Variants in RABGAP1L observed in about 807,000 individuals in gnomAD.
RABGAP1L encodes RAB GTPase activating protein 1 like, also known as rab GTPase-activating protein 1-like.
A neutral mutation model predicts 137.7 loss-of-function variants in RABGAP1L; 63 were observed. The observed-to-expected ratio is 0.46, with a 90% CI of 0.37 to 0.56. The LOEUF (loss-of-function observed/expected upper bound fraction) is 0.56, where lower values mean the gene tolerates loss of function less well. RABGAP1L is among the 20% of genes least tolerant of loss of function. RABGAP1L has a pLI of 0.00. For synonymous variants in RABGAP1L, 431 were observed against 433.7 expected (o/e 0.99, Z 0.08); for missense variants, 1,095 against 1,244.0 (o/e 0.88, Z 1.80).
intron 5 of RABGAP1L, among the ~76,000 whole-genome samples, chr1:174,248,337 G>T (rs192837791): frequency 1.3e-4 from 20 of 152,318 alleles, no homozygotes; most frequent in African/African-American, 4.8e-4. Flanking sequence ...AATAATATTT[G>T]TTGAATGAAT....
intron 24 of RABGAP1L, among the ~76,000 whole-genome samples, chr1:174,987,734 A>G (rs138752207): frequency 2.6e-5 from 4 of 152,246 alleles, no homozygotes; most frequent in Non-Finnish European, 4.4e-5. Flanking sequence ...CAACAGTACT[A>G]TTGTCTGGAA....
intron 17 of RABGAP1L, among the ~76,000 whole-genome samples, chr1:174,722,877 G>A (rs924831392): frequency 6.6e-6 from 1 of 152,048 alleles, no homozygotes; most frequent in Non-Finnish European, 1.5e-5. Flanking sequence ...GTATTTGCCC[G>A]AGGCTGCACC....
chr1:174,258,427 G>A (rs1673301103), intron 7 of RABGAP1L, among the ~76,000 whole-genome samples: 1 of 152,146 alleles, frequency 6.6e-6, no homozygotes, highest in Non-Finnish European at 1.5e-5. Context: ...TGAGACTACA[G>A]GCACATGCCA....
chr1:174,664,943 G>A (rs1260417381), intron 14 of RABGAP1L, among the ~76,000 whole-genome samples: 2 of 151,796 alleles, frequency 1.3e-5, no homozygotes, highest in African/African-American at 2.4e-5. Flanking sequence ...CTCCATGTTG[G>A]TCAGGCTGGT....
chr1:174,400,867 T>A (rs1406363545), intron 13 of RABGAP1L, among the ~76,000 whole-genome samples: 1 of 152,132 alleles, frequency 6.6e-6, no homozygotes, highest in Non-Finnish European at 1.5e-5. Flanking sequence ...GGGCCGGGAT[T>A]ACAATGTGGA....
chr1:174,345,774 A>G (rs1682374155), intron 11 of RABGAP1L, among the ~76,000 whole-genome samples: 1 of 152,304 alleles, frequency 6.6e-6, no homozygotes, highest in African/African-American at 2.4e-5. Flanking sequence ...GACTTTCAGT[A>G]CTATGTCGAA....
chr1:174,922,038 A>G (rs1161002589), intron 19 of RABGAP1L: 1 of 152,186 alleles, frequency 6.6e-6, no homozygotes, highest in African/African-American at 2.4e-5. Context: ...TTTTTTAAGT[A>G]TAATTTCCAT....
chr1:174,694,343 T>TC (rs1679092084), intron 15 of RABGAP1L, among the ~76,000 whole-genome samples: 1 of 107,068 alleles, frequency 9.3e-6, no homozygotes, highest in African/African-American at 3.5e-5. Context: ...ATGCTAACCC[T>TC]CCCCCCTCCC....
intron 1 of RABGAP1L, among the ~76,000 whole-genome samples, chr1:174,179,922 T>G (rs1666215537): frequency 1.3e-5 from 2 of 149,998 alleles, no homozygotes; most frequent in Non-Finnish European, 1.5e-5. Flanking sequence ...GTTAGTAGTA[T>G]TCAAGAATTT....
At chr1:174,609,453 C>CA (rs1317902881) in intron 13 of RABGAP1L, among the ~76,000 whole-genome samples, 1 of 151,930 alleles carries the variant, frequency 6.6e-6, no homozygotes, top group Non-Finnish European at 1.5e-5. Flanking sequence ...ATATCAAAAG[C>CA]AAAAATGTAT....
intron 13 of RABGAP1L, among the ~76,000 whole-genome samples, chr1:174,474,592 GATGATT>G (rs1658290287): frequency 3.3e-5 from 5 of 151,886 alleles, no homozygotes; most frequent in Admixed American, 3.3e-4. Context: ...TGATGATGAT[GATGATT>G]ATTATTATTA....
At chr1:174,825,381 C>T (rs1214977393) in intron 19 of RABGAP1L, among the ~76,000 whole-genome samples, 1 of 152,172 alleles carries the variant, frequency 6.6e-6, no homozygotes, top group Non-Finnish European at 1.5e-5. Context: ...TATCCCTAAC[C>T]CGTAGAGTCA....
At chr1:174,851,868 C>G (rs1014890760) in intron 19 of RABGAP1L, among the ~76,000 whole-genome samples, 15 of 151,916 alleles carry the variant, frequency 9.9e-5, no homozygotes, top group African/African-American at 3.6e-4. Context: ...CTAAAAATTC[C>G]TGGGTTTATG....
In RABGAP1L at chr1:174,278,684, C is replaced by G; in HGVS notation, c.1228C>G (p.Leu410Val). ...GGTGGTGGAGCCTGTTCGCTTTCTC[C>G]TGGAGACAGTAGTCCGTGTGTACCC... is the stretch of plus-strand genomic sequence containing the variant. ...TEVVEPVRFL[L>V]ETVVRVYPAN... Residue 410 changes from leucine to valine, a missense_variant, in exon 10 of 26, where the codon CTG becomes GTG. Transcript: ENST00000681986. 1 of 1,613,094 alleles carries G rather than the reference C, an allele frequency of 6.2e-7. No homozygotes were observed. The highest frequency in any genetic ancestry group is 8.5e-7 in the Non-Finnish European group (1 of 1,179,588).
In RABGAP1L at chr1:174,273,704, T is replaced by G. The variant is rs149022829; in HGVS notation, c.1053+1224T>G. The stretch of plus-strand genomic sequence containing the variant: ...GATCCTAGGTCCTAATTAATCATGG[T>G]CTTTCAGAGTTTAAAAGACTAAGAT... On this transcript the variant is annotated intron_variant, in intron 8 of 25. Coordinates refer to ENST00000681986, the MANE Select transcript of RABGAP1L (RefSeq NM_001366446.1). Among the ~76,000 whole-genome samples the G allele has an allele frequency of 1.2e-3, 178 of 152,196 alleles. 1 individual carries two copies. Among genetic ancestry groups the G allele is most frequent in the African/African-American group, 4.2e-3 (174 of 41,554 alleles).
intron 13 of RABGAP1L, among the ~76,000 whole-genome samples, chr1:174,494,482 A>G (rs912732782): frequency 2.6e-5 from 4 of 152,312 alleles, no homozygotes; most frequent in African/African-American, 9.6e-5. Context: ...TTGGTTTTCC[A>G]TGTGAAATGA....
At chr1:174,674,331 TGTG>T (rs995352411) in intron 14 of RABGAP1L, among the ~76,000 whole-genome samples, 17 of 147,398 alleles carry the variant, frequency 1.2e-4, no homozygotes, top group Middle Eastern at 3.4e-3. Flanking sequence ...GAGTGGAACA[TGTG>T]GTGTTTGGTT....
chr1:174,852,911 A>G (rs548308236), intron 19 of RABGAP1L, among the ~76,000 whole-genome samples: 37 of 152,230 alleles, frequency 2.4e-4, no homozygotes, highest in African/African-American at 8.7e-4. Flanking sequence ...TAGTAGAAAA[A>G]TGTTTCTATA....
chr1:174,384,967 T>G (rs185996737), intron 12 of RABGAP1L, among the ~76,000 whole-genome samples: 1 of 152,242 alleles, frequency 6.6e-6, no homozygotes, highest in Admixed American at 6.5e-5. Flanking sequence ...TTATTTATCT[T>G]ATATCTGGCT....
Sources: allele counts gnomAD v4.1 joint callset (sites outside exome capture counted in the v4.1 genomes callset), GRCh38; gene constraint gnomAD v4.1.1; transcripts MANE v1.5; gene names NCBI Gene and HGNC (gene_info 2026-07-23, HGNC 2026-07-21).